The following HDAC9 variants were observed in gnomAD, a reference collection of about 807,000 sequenced individuals.
The protein encoded by HDAC9 is histone deacetylase 9.
A neutral mutation model predicts 139.4 loss-of-function variants in HDAC9; 41 were observed. That is an observed-to-expected ratio of 0.29 (90% CI 0.23 to 0.38). The LOEUF (loss-of-function observed/expected upper bound fraction) is 0.38. Ranked by LOEUF, HDAC9 falls within the 10% of genes least tolerant of loss-of-function variation. HDAC9 has a pLI of 1.00. For synonymous variants in HDAC9, 517 were observed against 476.2 expected (o/e 1.09, Z -1.12); for missense variants, 1,147 against 1,297.0 (o/e 0.88, Z 1.78).
At chr7:18,154,097 A>G (rs1456829098) in intron 1 of HDAC9, among the ~76,000 whole-genome samples, 2 of 152,242 alleles carry the variant, frequency 1.3e-5, no homozygotes, top group Non-Finnish European at 2.9e-5. Flanking sequence ...TCCGGGGAAT[A>G]GACTTCATGC....
At chr7:18,333,556 A>G (rs182536027) in intron 1 of HDAC9, among the ~76,000 whole-genome samples, 3 of 151,622 alleles carry the variant, frequency 2.0e-5, no homozygotes, top group Admixed American at 6.6e-5. Flanking sequence ...AACACTTGCA[A>G]TCATAGGTTA....
At chr7:18,584,209 C>T (rs575164671) in intron 2 of HDAC9, among the ~76,000 whole-genome samples, 1 of 134,078 alleles carries the variant, frequency 7.5e-6, no homozygotes, top group Non-Finnish European at 1.5e-5. Flanking sequence ...AGCGAGATCT[C>T]GGCTCACTGC....
chr7:18,724,221 C>T (rs1178123), intron 12 of HDAC9, among the ~76,000 whole-genome samples: 26,047 of 152,036 alleles, frequency 0.17, 2,616 homozygotes, highest in East Asian at 0.42. Flanking sequence ...CTGTATAGCA[C>T]TCACTGTATT....
chr7:18,956,976 A>G (rs149287965), intron 24 of HDAC9, among the ~76,000 whole-genome samples: 1 of 152,278 alleles, frequency 6.6e-6, no homozygotes, highest in East Asian at 1.9e-4. Flanking sequence ...ATTTGGTACC[A>G]GGCCCTATAA....
intron 15 of HDAC9, among the ~76,000 whole-genome samples, chr7:18,763,282 A>G (rs527935347): frequency 6.6e-6 from 1 of 152,340 alleles, no homozygotes; most frequent in East Asian, 1.9e-4. Flanking sequence ...TCATTATAAC[A>G]CAATATACCT....
At chr7:18,796,298 T>G (rs17349622) in intron 17 of HDAC9, among the ~76,000 whole-genome samples, 27,710 of 152,168 alleles carry the variant, frequency 0.18, 3,181 homozygotes, top group Middle Eastern at 0.28. Flanking sequence ...TTGTATGACT[T>G]GGAAATTTTG....
At chr7:18,280,993 A>T (rs1562830481) in intron 2 of HDAC9, among the ~76,000 whole-genome samples, 2 of 152,170 alleles carry the variant, frequency 1.3e-5, no homozygotes, top group African/African-American at 4.8e-5. Context: ...ATGTGATTTG[A>T]AAACAGAGAT....
chr7:18,406,791 G>A (rs181546213), intron 1 of HDAC9, among the ~76,000 whole-genome samples: 2 of 152,134 alleles, frequency 1.3e-5, no homozygotes, highest in South Asian at 2.1e-4. Flanking sequence ...CTTATGATTA[G>A]AGTTTTAGGT....
At chr7:18,777,177 T>C (rs1391842534) in intron 16 of HDAC9, among the ~76,000 whole-genome samples, 4 of 151,980 alleles carry the variant, frequency 2.6e-5, no homozygotes, top group Non-Finnish European at 5.9e-5. Flanking sequence ...TAGTTCCAGA[T>C]CTTAGCAGCA....
At chr7:18,644,828 T>G (rs757968801) in intron 9 of HDAC9, 35 bp downstream of exon 9, 1 of 1,577,432 alleles carries the variant, frequency 6.3e-7, no homozygotes. Flanking sequence ...TTAATCAACC[T>G]AAGCAATATC....
intron 12 of HDAC9, among the ~76,000 whole-genome samples, chr7:18,695,987 G>A (rs907348362): frequency 5.9e-5 from 9 of 152,112 alleles, no homozygotes; most frequent in Non-Finnish European, 1.0e-4. Flanking sequence ...ATTTTCCAAA[G>A]TGAACTCAAA....
chr7:18,312,712 T>C (rs1799396957), intron 1 of HDAC9, among the ~76,000 whole-genome samples: 1 of 152,134 alleles, frequency 6.6e-6, no homozygotes, highest in African/African-American at 2.4e-5. Flanking sequence ...AGGTCAGGTT[T>C]GTGTCAGGAA....
chr7:18,384,320 A>T (rs1240360344), intron 1 of HDAC9, among the ~76,000 whole-genome samples: 2 of 152,162 alleles, frequency 1.3e-5, no homozygotes, highest in African/African-American at 4.8e-5. Flanking sequence ...GAAAAAAAAA[A>T]TGCGTACACT....
chr7:18,716,278 C>G (rs975181403), intron 12 of HDAC9, among the ~76,000 whole-genome samples: 1 of 152,090 alleles, frequency 6.6e-6, no homozygotes, highest in African/African-American at 2.4e-5. Flanking sequence ...TCAGTGTGCT[C>G]TCTTGAACAT....
chr7:18,494,429 T>C (rs1041420691), upstream of HDAC9, among the ~76,000 whole-genome samples: 10 of 152,180 alleles, frequency 6.6e-5, no homozygotes, highest in African/African-American at 2.2e-4. Context: ...ATCTGCTTTT[T>C]CCTCTCTTTC....
intron 21 of HDAC9, among the ~76,000 whole-genome samples, chr7:18,857,958 G>A (rs1050110401): frequency 9.9e-5 from 15 of 152,078 alleles, no homozygotes; most frequent in African/African-American, 3.4e-4. Flanking sequence ...CAGTACTGAT[G>A]TACTAATAAC....
intron 1 of HDAC9, among the ~76,000 whole-genome samples, chr7:18,108,611 CTTT>C (rs10708554): frequency 2.4e-4 from 20 of 82,942 alleles, no homozygotes; most frequent in Admixed American, 4.2e-4. Context: ...CACTCATCTC[CTTT>C]TTTTTTTTTT....
intron 22 of HDAC9, among the ~76,000 whole-genome samples, chr7:18,914,345 A>G (rs1803003939): frequency 6.6e-6 from 1 of 151,740 alleles, no homozygotes; most frequent in Non-Finnish European, 1.5e-5. Flanking sequence ...CCACCCGGCT[A>G]TTCATTCGTT....
intron 1 of HDAC9, among the ~76,000 whole-genome samples, chr7:18,310,312 A>G (rs1411163902): frequency 6.6e-6 from 1 of 152,202 alleles, no homozygotes; most frequent in African/African-American, 2.4e-5. Flanking sequence ...ACACTGGGAT[A>G]GATATTTCTT....
Sources: allele counts gnomAD v4.1 joint callset (sites outside exome capture counted in the v4.1 genomes callset), GRCh38; gene constraint gnomAD v4.1.1; transcripts MANE v1.5; gene names NCBI Gene and HGNC (gene_info 2026-07-23, HGNC 2026-07-21).